PLXDC2: variants seen among roughly 807,000 people sequenced by gnomAD.
PLXDC2 encodes plexin domain-containing protein 2.
Under a neutral mutation model 68.9 loss-of-function variants are expected in PLXDC2, and 40 were observed. That is an observed-to-expected ratio of 0.58 (90% CI 0.45 to 0.76). PLXDC2 has a LOEUF of 0.76. Among genes scored for constraint, PLXDC2 ranks in the 30% least tolerant of loss-of-function variants. The pLI, the probability that PLXDC2 is intolerant of heterozygous loss-of-function variation, is 0.00. For synonymous variants in PLXDC2, 243 were observed against 234.2 expected (o/e 1.04, Z -0.34); for missense variants, 644 against 661.9 (o/e 0.97, Z 0.30).
At chr10:20,043,224 T>A (rs760456243) in intron 2 of PLXDC2, 5 of 152,224 alleles carry the variant, frequency 3.3e-5, no homozygotes, top group Non-Finnish European at 7.3e-5. Context: ...CAATAAATTG[T>A]CTTCCTTTTT....
intron 1 of PLXDC2, among the ~76,000 whole-genome samples, chr10:19,833,947 CTT>C (rs34795606): frequency 8.3e-4 from 117 of 140,482 alleles, no homozygotes; most frequent in African/African-American, 1.6e-3. Context: ...TCATATTTTG[CTT>C]TTTTTTTTTT....
chr10:20,270,377 A>G (rs1835922911), intron 13 of PLXDC2, among the ~76,000 whole-genome samples: 1 of 152,076 alleles, frequency 6.6e-6, no homozygotes, highest in African/African-American at 2.4e-5. Context: ...TTTTACGGTT[A>G]GGATGACTGA....
chr10:19,998,761 T>G (rs1834881016), intron 1 of PLXDC2, among the ~76,000 whole-genome samples: 2 of 151,980 alleles, frequency 1.3e-5, no homozygotes, highest in African/African-American at 2.4e-5. Context: ...CTGTCAATGG[T>G]AACAGCAAGC....
chr10:20,123,095 G>A (rs535575789), intron 4 of PLXDC2, among the ~76,000 whole-genome samples: 33 of 152,304 alleles, frequency 2.2e-4, no homozygotes, highest in Middle Eastern at 6.8e-3. Flanking sequence ...GGGAGGGCTA[G>A]TCATGGAACA....
At position 19,968,934 on chromosome 10, in the gene PLXDC2, G is replaced by A. The variant is rs531018638; in HGVS notation, c.113-32841G>A. Among the ~76,000 whole-genome samples the A allele has an allele frequency of 3.9e-5, 6 of 152,246 alleles. No individual in the cohort carries two copies. The South Asian group carries it at 1.2e-3, about 32-fold the overall frequency. On this transcript the variant is annotated intron_variant, in intron 1 of 13. Transcript: ENST00000377252. Reference sequence around the variant, plus strand: ...GTGGCAAAAGTTCCCTGGGGGACCTGGCATCTGTAAGTAATCAGTTACTGT... The same window carrying A: ...GTGGCAAAAGTTCCCTGGGGGACCTAGCATCTGTAAGTAATCAGTTACTGT...
intron 1 of PLXDC2, among the ~76,000 whole-genome samples, chr10:19,823,479 C>G (rs936791700): frequency 1.3e-5 from 2 of 151,134 alleles, no homozygotes; most frequent in Non-Finnish European, 2.9e-5. Flanking sequence ...GTCAGGAGAT[C>G]AAGACCATCC....
chr10:20,091,564 T>A (rs1040069488), intron 4 of PLXDC2, among the ~76,000 whole-genome samples: 2 of 152,178 alleles, frequency 1.3e-5, no homozygotes, highest in African/African-American at 4.8e-5. Context: ...TTCTGTTCAG[T>A]AGGAATTTCA....
At chr10:20,085,296 A>T (rs1454002185) in intron 4 of PLXDC2, among the ~76,000 whole-genome samples, 1 of 152,160 alleles carries the variant, frequency 6.6e-6, no homozygotes, top group African/African-American at 2.4e-5. Context: ...CACAGAACTG[A>T]TAAAATGTTA....
chr10:19,905,712 A>G (rs558065899), intron 1 of PLXDC2, among the ~76,000 whole-genome samples: 1 of 152,344 alleles, frequency 6.6e-6, no homozygotes, highest in East Asian at 1.9e-4. Context: ...TGAATACCCT[A>G]GAATGAATTC....
intron 1 of PLXDC2, among the ~76,000 whole-genome samples, chr10:19,824,840 AG>A (rs1836540914): frequency 6.6e-6 from 1 of 152,226 alleles, no homozygotes; most frequent in Non-Finnish European, 1.5e-5. Flanking sequence ...TTAATTAAAA[AG>A]GTGGTAAGCT....
chr10:19,962,847 G>A (rs113871643), intron 1 of PLXDC2, among the ~76,000 whole-genome samples: 29,753 of 150,336 alleles, frequency 0.2, 3,674 homozygotes, highest in South Asian at 0.35. Flanking sequence ...AAAATTAGCC[G>A]GGCTTGGTGG....
intron 1 of PLXDC2, among the ~76,000 whole-genome samples, chr10:19,898,466 A>G (rs1649308611): frequency 6.6e-6 from 1 of 152,240 alleles, no homozygotes; most frequent in Non-Finnish European, 1.5e-5. Context: ...TGCAAGCACA[A>G]CTGGTGGAAA....
At chr10:20,005,080 C>G (rs111465407) in intron 2 of PLXDC2, among the ~76,000 whole-genome samples, 2,378 of 152,210 alleles carry the variant, frequency 0.016, 67 homozygotes, top group African/African-American at 0.053. Flanking sequence ...CTAAGGTCTC[C>G]CATTAATGAG....
chr10:19,892,483 T>C (rs1027398904), intron 1 of PLXDC2, among the ~76,000 whole-genome samples: 3 of 152,210 alleles, frequency 2.0e-5, no homozygotes, highest in Non-Finnish European at 2.9e-5. Flanking sequence ...GAAATAATTC[T>C]ATGCAGGAAG....
At chr10:19,845,990 C>T (rs934800955) in intron 1 of PLXDC2, among the ~76,000 whole-genome samples, 3 of 152,164 alleles carry the variant, frequency 2.0e-5, no homozygotes, top group African/African-American at 7.2e-5. Context: ...TTGAATCCCA[C>T]CTCCTACCTC....
intron 2 of PLXDC2, among the ~76,000 whole-genome samples, chr10:20,015,973 T>C (rs1293954250): frequency 6.6e-6 from 1 of 152,204 alleles, no homozygotes; most frequent in Non-Finnish European, 1.5e-5. Context: ...CCATTCCCCA[T>C]GTCACCATTA....
At chr10:20,183,082 C>T (rs1834629597) in intron 9 of PLXDC2, among the ~76,000 whole-genome samples, 1 of 151,862 alleles carries the variant, frequency 6.6e-6, no homozygotes, top group South Asian at 2.1e-4. Context: ...ATGGGTAAGA[C>T]AGCACAAGAA....
chr10:20,014,539 C>T (rs1042237270), intron 2 of PLXDC2, among the ~76,000 whole-genome samples: 1 of 151,226 alleles, frequency 6.6e-6, no homozygotes, highest in Non-Finnish European at 1.5e-5. Flanking sequence ...TTCAGGACAC[C>T]TTCTTGAAGC....
At chr10:20,214,870 A>G (rs1835115405) in intron 10 of PLXDC2, among the ~76,000 whole-genome samples, 1 of 152,194 alleles carries the variant, frequency 6.6e-6, no homozygotes, top group African/African-American at 2.4e-5. Context: ...AGAATAATAT[A>G]TGGCAAGTTC....
Sources: allele counts gnomAD v4.1 joint callset (sites outside exome capture counted in the v4.1 genomes callset), GRCh38; gene constraint gnomAD v4.1.1; transcripts MANE v1.5; gene names NCBI Gene and HGNC (gene_info 2026-07-23, HGNC 2026-07-21).